The following DCT variants were observed in gnomAD, a reference collection of about 807,000 sequenced individuals.
DCT encodes the protein L-dopachrome tautomerase.
In DCT, 47 loss-of-function variants were observed where a neutral mutation model predicts 53.0. The ratio of observed to expected loss-of-function variants is 0.89; its 90% CI spans 0.70 to 1.13. The LOEUF (loss-of-function observed/expected upper bound fraction) is 1.13, where lower values mean the gene tolerates loss of function less well. Ranked by LOEUF, DCT falls within the 50% of genes most tolerant of loss-of-function variation. The pLI, the probability that DCT is intolerant of heterozygous loss-of-function variation, is 0.00. For missense variants in DCT, 669 were observed against 637.4 expected (o/e 1.05, Z -0.53); for synonymous variants, 244 against 237.0 (o/e 1.03, Z -0.27).
At chr13:94,511,756 C>G in the DCT span, among the ~76,000 whole-genome samples, 1 of 152,064 alleles carries the variant, frequency 6.6e-6, no homozygotes, top group Non-Finnish European at 1.5e-5. Context: ...CTTTCTCACC[C>G]CACTCCATGT....
At chr13:94,459,295 A>G (rs1217404103) in intron 6 of DCT, among the ~76,000 whole-genome samples, 2 of 152,236 alleles carry the variant, frequency 1.3e-5, no homozygotes, top group African/African-American at 4.8e-5. Context: ...AATCCTATTT[A>G]CTGTCTGTAT....
Position 94,437,148 on chromosome 13 carries a change from A to C in DCT, c.*2750T>G, listed in dbSNP as rs1470088835. ...AATAGCAATTGTTTGGAAACTCACC[A>C]GAAAATAGCATATCAGTTTAAGAGA... On this transcript the variant is annotated 3_prime_UTR_variant, in exon 8 of 8. Coordinates refer to ENST00000377028, the MANE Select transcript of DCT (RefSeq NM_001922.5). 2.0e-5 allele frequency: 3 copies of C among 152,220 alleles called. No homozygotes were observed. The highest frequency in any genetic ancestry group is 2.9e-5 in the Non-Finnish European group (2 of 68,042). The allele number at this position is 152,220 out of a possible 1,614,324, so 9.4% of individuals were successfully genotyped here.
At chr13:94,468,041 A>G (rs1884347800) in intron 2 of DCT, 1 of 152,246 alleles carries the variant, frequency 6.6e-6, no homozygotes, top group Admixed American at 6.6e-5. Context: ...CCAGCCCCCA[A>G]TTTTTAAGAC....
At position 94,479,195 on chromosome 13, in the gene DCT, C is replaced by T. The variant is rs1331584466; in HGVS notation, c.61G>A (p.Ala21Thr). The T allele has an allele frequency of 1.9e-6, 3 of 1,609,692 alleles. No individual in the cohort carries two copies. Among genetic ancestry groups the T allele is most frequent in the Non-Finnish European group, 2.6e-6 (3 of 1,176,312 alleles). The change falls in exon 1 of 8, where the codon GCC becomes ACC. Residue 21 changes from alanine to threonine, a missense_variant. Coordinates refer to ENST00000377028, the MANE Select transcript of DCT (RefSeq NM_001922.5). Reference protein sequence around the residue: ...SCLGCKILPGAQGQFPRVCMT... With the variant: ...SCLGCKILPGTQGQFPRVCMT... Reference sequence around the variant, plus strand: ...CAGACTCGGGGGAACTGACCCTGGGCTCCTGGCAGGATTTTGCAGCCCAAG... The same window carrying T: ...CAGACTCGGGGGAACTGACCCTGGGTTCCTGGCAGGATTTTGCAGCCCAAG...
the DCT span, among the ~76,000 whole-genome samples, chr13:94,489,064 T>C: frequency 1.3e-5 from 2 of 152,234 alleles, no homozygotes; most frequent in Non-Finnish European, 2.9e-5. Context: ...AAGAAACTGG[T>C]TGAGTGCTGT....
chr13:94,504,993 T>A, the DCT span, among the ~76,000 whole-genome samples: 1 of 152,026 alleles, frequency 6.6e-6, no homozygotes, highest in Admixed American at 6.5e-5. Flanking sequence ...GGCACTTCAT[T>A]TGTCTTTGTA....
At position 94,437,847 on chromosome 13, in the gene DCT, A is replaced by C. The variant is rs1293441146; in HGVS notation, c.*2051T>G. On this transcript the variant is annotated 3_prime_UTR_variant, in exon 8 of 8. Coordinates refer to ENST00000377028, the MANE Select transcript of DCT (RefSeq NM_001922.5). ...AATTCTCTCAGGAAGACATTATAAA[A>C]CATAATAGTTATAAAAAGTCACCCA... The C allele has an allele frequency of 6.6e-6, 1 of 152,196 alleles. No homozygotes were observed. The highest frequency in any genetic ancestry group is 1.5e-5 in the Non-Finnish European group (1 of 68,020). The allele number at this position is 152,196 out of a possible 1,614,324, so 9.4% of individuals were successfully genotyped here.
At chr13:94,489,882 T>C in the DCT span, among the ~76,000 whole-genome samples, 1 of 152,202 alleles carries the variant, frequency 6.6e-6, no homozygotes, top group African/African-American at 2.4e-5. Flanking sequence ...GATATTCTTG[T>C]CCATAATGCA....
chr13:94,523,738 G>A, the DCT span, among the ~76,000 whole-genome samples: 766 of 152,256 alleles, frequency 5.0e-3, 14 homozygotes, highest in Middle Eastern at 3.4e-3. Flanking sequence ...TAATTGGGGA[G>A]AAATGAGATT....
At chr13:94,512,453 TA>T in the DCT span, among the ~76,000 whole-genome samples, 1 of 152,182 alleles carries the variant, frequency 6.6e-6, no homozygotes, top group African/African-American at 2.4e-5. Context: ...TCTAATTTAT[TA>T]AAGGAAGAGT....
chr13:94,440,676 G>GTTTTTTTTTTTTTT lies in DCT; in HGVS notation c.1382-614_1382-601dup, dbSNP rs761688508. 1.5e-4 allele frequency among the ~76,000 whole-genome samples: 15 copies of GTTTTTTTTTTTTTT among 98,034 alleles called. 1 individual carries two copies. Among genetic ancestry groups the GTTTTTTTTTTTTTT allele is most frequent in the African/African-American group, 4.5e-4 (11 of 24,302 alleles). The allele number at this position is 98,034 out of a possible 152,430, so 64.3% of individuals were successfully genotyped here. A position where few individuals can be genotyped will look rare whatever the true frequency, so the allele number is the denominator to read the frequency against. On this transcript the variant is annotated intron_variant, in intron 7 of 7. Coordinates refer to ENST00000377028, the MANE Select transcript of DCT (RefSeq NM_001922.5). Reference sequence around the variant, plus strand: ...CAAAATTAGTGGATTTCATTTTTTGGTTTTTTTTTTTTTTTTTTTTTTTAG... The same window carrying GTTTTTTTTTTTTTT: ...CAAAATTAGTGGATTTCATTTTTTGGTTTTTTTTTTTTTTTTTTTTTTTTTTTTTTTTTTTTTAG...
intron 7 of DCT, among the ~76,000 whole-genome samples, chr13:94,442,453 T>G (rs1233007728): frequency 6.6e-6 from 1 of 152,094 alleles, no homozygotes; most frequent in Non-Finnish European, 1.5e-5. Context: ...ACTACAGGCA[T>G]GCACCACTAT....
chr13:94,490,105 A>T, the DCT span, among the ~76,000 whole-genome samples: 2 of 152,194 alleles, frequency 1.3e-5, no homozygotes, highest in African/African-American at 4.8e-5. Context: ...AGCTGACAAA[A>T]ATAAATGCTA....
chr13:94,532,156 G>A, the DCT span, among the ~76,000 whole-genome samples: 5 of 152,168 alleles, frequency 3.3e-5, no homozygotes, highest in Non-Finnish European at 7.4e-5. Flanking sequence ...GAGAGGATGC[G>A]GAGAAATAGG....
the DCT span, among the ~76,000 whole-genome samples, chr13:94,530,297 C>T: frequency 1.3e-5 from 2 of 152,200 alleles, no homozygotes; most frequent in African/African-American, 2.4e-5. Context: ...ATGAGGCTAG[C>T]GTCATCCTGA....
In DCT at chr13:94,437,220, T is replaced by C. The variant is rs1881958495; in HGVS notation, c.*2678A>G. 1 of 152,230 alleles carries C rather than the reference T, an allele frequency of 6.6e-6. No individual in the cohort carries two copies. The highest frequency in any genetic ancestry group is 2.4e-5 in the African/African-American group (1 of 41,464). 9.4% of individuals were successfully genotyped at this position (152,230 alleles called of 1,614,324 possible). The stretch of plus-strand genomic sequence containing the variant: ...TTATTATATATTTTACATGTATATA[T>C]ATTTCAATATACATGCTGAGTGCCC... On this transcript the variant is annotated 3_prime_UTR_variant, in exon 8 of 8. Coordinates refer to ENST00000377028, the MANE Select transcript of DCT (RefSeq NM_001922.5).
chr13:94,544,806 AGAG>A, the DCT span, among the ~76,000 whole-genome samples: 6 of 151,474 alleles, frequency 4.0e-5, no homozygotes, highest in African/African-American at 7.2e-5. Flanking sequence ...TCCATTTAAA[AGAG>A]GAGAATTATG....
chr13:94,491,895 A>C, the DCT span, among the ~76,000 whole-genome samples: 2 of 152,198 alleles, frequency 1.3e-5, no homozygotes, highest in South Asian at 4.1e-4. Context: ...CATAAATTTT[A>C]GATCTGGATG....
chr13:94,503,800 A>G, the DCT span, among the ~76,000 whole-genome samples: 1 of 152,206 alleles, frequency 6.6e-6, no homozygotes, highest in African/African-American at 2.4e-5. Flanking sequence ...AATTTATGGT[A>G]ATTTGTGACA....
Sources: allele counts gnomAD v4.1 joint callset (sites outside exome capture counted in the v4.1 genomes callset), GRCh38; gene constraint gnomAD v4.1.1; transcripts MANE v1.5; gene names NCBI Gene and HGNC (gene_info 2026-07-23, HGNC 2026-07-21).